The following DMXL1 variants were observed in gnomAD, a reference collection of about 807,000 sequenced individuals.
The protein encoded by DMXL1 is Dmx like 1.
A neutral mutation model predicts 319.2 loss-of-function variants in DMXL1; 99 were observed. The ratio of observed to expected loss-of-function variants is 0.31; its 90% CI spans 0.26 to 0.37. The LOEUF (loss-of-function observed/expected upper bound fraction) is 0.37, where lower values mean the gene tolerates loss of function less well. Ranked by LOEUF, DMXL1 falls within the 10% of genes least tolerant of loss-of-function variation. The pLI is 1.00. For synonymous variants in DMXL1, 1,385 were observed against 1,235.2 expected, an observed-to-expected ratio of 1.12 and a Z score of -2.54; for missense variants, 3,745 against 3,595.6, an observed-to-expected ratio of 1.04 and a Z score of -1.06.
At chr5:119,108,488 A>G (rs1361831894) in intron 4 of DMXL1, among the ~76,000 whole-genome samples, 1 of 152,080 alleles carries the variant, frequency 6.6e-6, no homozygotes, top group African/African-American at 2.4e-5. Flanking sequence ...CAGTAGCACA[A>G]TCATAGCTCA....
chr5:119,153,893 C>T (rs1352038628), intron 19 of DMXL1, among the ~76,000 whole-genome samples: 2 of 152,180 alleles, frequency 1.3e-5, no homozygotes, highest in African/African-American at 4.8e-5. Context: ...CTTTCAGCAC[C>T]GTTTTTCCAA....
intron 42 of DMXL1, among the ~76,000 whole-genome samples, chr5:119,242,194 A>T (rs1250281679): frequency 6.6e-6 from 1 of 152,130 alleles, no homozygotes; most frequent in Non-Finnish European, 1.5e-5. Context: ...GTTTTTTCAA[A>T]TTATCTCAAA....
intron 33 of DMXL1, among the ~76,000 whole-genome samples, chr5:119,204,374 G>A (rs1388794664): frequency 1.3e-5 from 2 of 152,086 alleles, no homozygotes; most frequent in Admixed American, 6.6e-5. Context: ...CCTGAGCCCA[G>A]GCGATCTACC....
chr5:119,228,285 C>T (rs1227537365), intron 38 of DMXL1, among the ~76,000 whole-genome samples: 3 of 152,180 alleles, frequency 2.0e-5, no homozygotes, highest in Non-Finnish European at 4.4e-5. Flanking sequence ...ATTATAGTTA[C>T]TTGCAGACAC....
intron 4 of DMXL1, among the ~76,000 whole-genome samples, chr5:119,107,289 C>T (rs577138462): frequency 4.5e-4 from 68 of 151,542 alleles, no homozygotes; most frequent in Non-Finnish European, 7.7e-4. Context: ...TGCAGTGAGC[C>T]ATGATTGTGC....
At chr5:119,129,644 G>A (rs199815327) in intron 10 of DMXL1, among the ~76,000 whole-genome samples, 1 of 152,104 alleles carries the variant, frequency 6.6e-6, no homozygotes, top group East Asian at 1.9e-4. Context: ...TTCTGGTTTT[G>A]TTAGCCCTTA....
intron 37 of DMXL1, among the ~76,000 whole-genome samples, chr5:119,221,472 AAAAC>A (rs1784635800): frequency 6.6e-6 from 1 of 152,206 alleles, no homozygotes; most frequent in Non-Finnish European, 1.5e-5. Context: ...AATAGTTGAA[AAAAC>A]AAACATAGTA....
At chr5:119,131,243 A>G (rs572707514) in intron 10 of DMXL1, among the ~76,000 whole-genome samples, 1 of 152,018 alleles carries the variant, frequency 6.6e-6, no homozygotes, top group South Asian at 2.1e-4. Flanking sequence ...ATATCTCTTC[A>G]GAGAAAGGCT....
intron 13 of DMXL1, among the ~76,000 whole-genome samples, chr5:119,136,898 C>G: frequency 6.6e-6 from 1 of 152,260 alleles, no homozygotes; most frequent in East Asian, 1.9e-4. Flanking sequence ...TAGGGCAATG[C>G]AGAGGGAGAA....
intron 21 of DMXL1, 143 bp downstream of exon 21, chr5:119,165,423 C>T (rs550529593): frequency 3.2e-4 from 171 of 530,318 alleles, no homozygotes; most frequent in African/African-American, 2.7e-3. Context: ...AGAGAGATTT[C>T]GTAAGGAAAA....
chr5:119,216,946 C>A lies in DMXL1; in HGVS notation c.7972C>A (p.His2658Asn). ...TCCTGGAGGTAAAGCAAGAATTATT[C>A]ATAAGGAATCTGATATCATTACTGC... is the stretch of plus-strand genomic sequence containing the variant. The part of the protein sequence containing the change: ...GYPGGKARII[H>N]KESDIITAFA... The change falls in exon 35 of 44, where the codon CAT becomes AAT. Residue 2658 changes from histidine (H) to asparagine (N), a missense_variant. His to Asn is a moderately conservative substitution (Grantham distance 68). Around this residue, in one of 4 missense-constraint regions of DMXL1, gnomAD observed 1,382 missense variants for 1,269.5 expected, o/e 1.09. Transcript: ENST00000539542. The A allele has an allele frequency of 1.2e-6, 2 of 1,600,930 alleles. No individual in the cohort carries two copies. The highest frequency in any genetic ancestry group is 2.3e-5 in the East Asian group (1 of 44,200).
chr5:119,084,817 T>A, intron 1 of DMXL1, among the ~76,000 whole-genome samples: 1 of 144,138 alleles, frequency 6.9e-6, no homozygotes. Context: ...TGAGCCAAGA[T>A]CACGCCATTG....
chr5:119,189,810 T>C lies in DMXL1; in HGVS notation c.7238T>C (p.Val2413Ala). 1 of 1,614,120 alleles carries C rather than the reference T, an allele frequency of 6.2e-7. No homozygotes were observed. The highest frequency in any genetic ancestry group is 8.5e-7 in the Non-Finnish European group (1 of 1,179,990). ...SAPLTPSSAP[V>A]SQESLAVKEK... is the part of the protein sequence containing the mutation. ...CCACTGACCCCTTCCTCGGCACCAG[T>C]AAGCCAGGAGTCACTGGCGGTTAAA... Residue 2413 changes from valine (V) to alanine (A), a missense_variant, in exon 29 of 44, where the codon GTA becomes GCA. Around this residue, in one of 4 missense-constraint regions of DMXL1, gnomAD observed 1,382 missense variants for 1,269.5 expected, o/e 1.09. Transcript: ENST00000539542.
At chr5:119,108,799 A>AT (rs1390356357) in intron 4 of DMXL1, among the ~76,000 whole-genome samples, 15 of 150,862 alleles carry the variant, frequency 9.9e-5, no homozygotes, top group African/African-American at 2.7e-4. Context: ...TACCATCTGA[A>AT]TTTTTTTTCC....
At chr5:119,122,162 C>T (rs1309173319) in intron 9 of DMXL1, among the ~76,000 whole-genome samples, 4 of 129,482 alleles carry the variant, frequency 3.1e-5, no homozygotes, top group African/African-American at 1.2e-4. Context: ...CCCTCCCAGA[C>T]GGGGCGGCTG....
rs188092334 is a variant in DMXL1, at chr5:119,133,734, G to C, written c.1810G>C (p.Ala604Pro). 6.2e-7 allele frequency: 1 copy of C among 1,614,174 alleles called. No individual in the cohort carries two copies. Among genetic ancestry groups the C allele is most frequent in the East Asian group, 2.2e-5 (1 of 44,888 alleles). ...TPNVMMISKH[A>P]DGSLNQWLVS... The stretch of plus-strand genomic sequence containing the variant: ...TAATGTTATGATGATATCAAAACAT[G>C]CTGATGGTTCTCTGAATCAGTGGCT... Residue 604 changes from alanine (A) to proline (P), a missense_variant, in exon 12 of 44, where the codon GCT (alanine) becomes CCT (proline). By Grantham distance (27) the Ala-to-Pro change is conservative. Transcript: ENST00000539542.
At position 119,133,228 on chromosome 5, in the gene DMXL1, C is replaced by T. The variant is rs1364733383; in HGVS notation, c.1412C>T (p.Ser471Leu). 1.1e-5 allele frequency: 17 copies of T among 1,614,142 alleles called. No homozygotes were observed. Among genetic ancestry groups the T allele is most frequent in the Non-Finnish European group, 1.4e-5 (16 of 1,180,028 alleles). Residue 471 changes from serine to leucine, a missense_variant, in exon 11 of 44, where the codon TCG becomes TTG. Coordinates refer to ENST00000539542, the MANE Select transcript of DMXL1 (RefSeq NM_001290321.3). Reference sequence around the variant, plus strand: ...CCAAACTCAAGTTTTACATCATTATCGTCAGCTGCCATTGATCATCAGATT... The same window carrying T: ...CCAAACTCAAGTTTTACATCATTATTGTCAGCTGCCATTGATCATCAGATT... ...MVPNSSFTSL[S>L]SAAIDHQIEV...
At chr5:119,241,460 G>C (rs1025451329) in intron 42 of DMXL1, among the ~76,000 whole-genome samples, 4 of 151,450 alleles carry the variant, frequency 2.6e-5, no homozygotes, top group Admixed American at 2.6e-4. Flanking sequence ...GTGTGAACCC[G>C]GGAGGCGGAG....
intron 3 of DMXL1, among the ~76,000 whole-genome samples, chr5:119,102,934 T>C (rs1380703390): frequency 9.2e-5 from 14 of 152,196 alleles, no homozygotes; most frequent in Non-Finnish European, 2.9e-5. Flanking sequence ...GGGTGGAGTG[T>C]GGCAGAAGGG....
Sources: allele counts gnomAD v4.1 joint callset (sites outside exome capture counted in the v4.1 genomes callset), GRCh38; gene constraint gnomAD v4.1.1; regional missense constraint gnomAD v4.1.1; transcripts MANE v1.5; gene names NCBI Gene and HGNC (gene_info 2026-07-23, HGNC 2026-07-21).